DNM1: variants seen among roughly 807,000 people sequenced by gnomAD.
DNM1 encodes the protein dynamin-1.
A neutral mutation model predicts 104.6 loss-of-function variants in DNM1; 29 were observed. That is an observed-to-expected ratio of 0.28 (90% CI 0.21 to 0.38). DNM1 has a LOEUF of 0.38. Among genes scored for constraint, DNM1 ranks in the 10% least tolerant of loss-of-function variants. DNM1 has a pLI of 1.00. For missense variants in DNM1, 640 were observed against 1,189.4 expected (o/e 0.54, Z 6.79); for synonymous variants, 445 against 475.8 (o/e 0.94, Z 0.84).
In DNM1 at chr9:128,243,727, G is replaced by C. The variant is rs1836550512; in HGVS notation, c.1671+1382G>C. 6.6e-6 allele frequency among the ~76,000 whole-genome samples: 1 copy of C among 152,160 alleles called. No homozygotes were observed. Among genetic ancestry groups the C allele is most frequent in the Non-Finnish European group, 1.5e-5 (1 of 68,008 alleles). ...CCTTACTCAGGGCCAGGGAGACCAT[G>C]TGACCTGGGGCTGAGGGCCGGAGAC... On this transcript the variant is annotated intron_variant, in intron 15 of 21. Coordinates refer to ENST00000372923, the MANE Select transcript of DNM1 (RefSeq NM_004408.4). The surrounding 1 kb of genome is among the most constrained non-coding windows in gnomAD (Gnocchi z 4.0).
At position 128,218,175 on chromosome 9, in the gene DNM1, G is replaced by A; in HGVS notation, c.162-56G>A. 2 of 1,561,668 alleles carry A rather than the reference G, an allele frequency of 1.3e-6. No homozygotes were observed. Among genetic ancestry groups the A allele is most frequent in the South Asian group, 2.2e-5 (2 of 90,008 alleles). ...CCCAGGGGCCGGACAGGTACCCCTG[G>A]GACAGAGGGCGCCCCCTCATATCTT... On this transcript the variant is annotated intron_variant, in intron 1 of 21. Transcript: ENST00000372923. This position sits in a 1 kb window ranked among gnomAD's most constrained non-coding sequence, Gnocchi z 4.8.
At chr9:128,252,895 G>A in intron 21 of DNM1, 1 of 690,084 alleles carries the variant, frequency 1.4e-6, no homozygotes, top group Non-Finnish European at 2.6e-6. Flanking sequence ...CCGCCGGCCA[G>A]TGAGGGTGCT....
rs538465521 is a variant in DNM1, at chr9:128,219,445, G to A, written c.589+193G>A. ...GCACTTTGGGAGGCCAAGCCGGGAG[G>A]ATTGCTTGAGCCCAGGAGTTCGAGA... On this transcript the variant is annotated intron_variant, in intron 4 of 21. Coordinates refer to ENST00000372923, the MANE Select transcript of DNM1 (RefSeq NM_004408.4). Among the ~76,000 whole-genome samples the A allele has an allele frequency of 1.9e-4, 29 of 152,328 alleles. No homozygotes were observed. In the East Asian group the frequency reaches 4.0e-3, roughly 21 times the overall value.
chr9:128,205,999 G>A (rs1833940041), intron 1 of DNM1, among the ~76,000 whole-genome samples: 1 of 152,202 alleles, frequency 6.6e-6, no homozygotes, highest in African/African-American at 2.4e-5. Context: ...TTGATGTGAA[G>A]GAGTAGGCAG....
Position 128,222,251 on chromosome 9 carries a change from A to G in DNM1, c.904A>G (p.Ser302Gly). The change falls in exon 7 of 22, where the codon AGC becomes GGC. Residue 302 changes from serine (S) to glycine (G), a missense_variant. Physicochemically the swap from Ser to Gly is moderately conservative, Grantham distance 56. This residue lies in a region of DNM1 where 81 missense variants were observed against 99.8 expected (regional missense o/e 0.81). Transcript: ENST00000372923. The surrounding 1 kb of genome is among the most constrained non-coding windows in gnomAD (Gnocchi z 7.8). ...TLPGLRNKLQ[S>G]QLLSIEKEVE... ...GCCGGGGCTGCGGAACAAGCTGCAGAGCCAGCTACTGTCCATTGAGAAGGA... is the reference window on the plus strand; with the variant it reads ...GCCGGGGCTGCGGAACAAGCTGCAGGGCCAGCTACTGTCCATTGAGAAGGA... The G allele has an allele frequency of 1.2e-6, 2 of 1,614,162 alleles. No individual in the cohort carries two copies. The highest frequency in any genetic ancestry group is 1.7e-6 in the Non-Finnish European group (2 of 1,180,018).
chr9:128,244,028 GGT>G (rs776470707), intron 15 of DNM1, among the ~76,000 whole-genome samples: 9 of 151,478 alleles, frequency 5.9e-5, no homozygotes, highest in Non-Finnish European at 1.2e-4. Context: ...TAAGCATCTA[GGT>G]GTGTTTGGAA....
In DNM1 at chr9:128,203,409, C is replaced by A; in HGVS notation, c.-62C>A. ...GGGCGCGCGGCTGCAGCGGCGGAGCCGGAGTCGGAGCCGGGAGCGCTAGCG... is the reference window on the plus strand; with the variant it reads ...GGGCGCGCGGCTGCAGCGGCGGAGCAGGAGTCGGAGCCGGGAGCGCTAGCG... On this transcript the variant is annotated 5_prime_UTR_variant, in exon 1 of 22. Coordinates refer to ENST00000372923, the MANE Select transcript of DNM1 (RefSeq NM_004408.4). The surrounding 1 kb of genome is among the most constrained non-coding windows in gnomAD (Gnocchi z 5.3). The A allele has an allele frequency of 2.2e-6, 3 of 1,352,698 alleles. No individual in the cohort carries two copies. The highest frequency in any genetic ancestry group is 2.9e-6 in the Non-Finnish European group (3 of 1,050,760). 83.8% of individuals were successfully genotyped at this position (1,352,698 alleles called of 1,614,324 possible).
chr9:128,239,809 G>A (rs781682149), intron 13 of DNM1, 30 bp downstream of exon 13: 2 of 1,607,166 alleles, frequency 1.2e-6, no homozygotes, highest in South Asian at 1.1e-5. Context: ...CCAGCCCGAG[G>A]GATGGAGGGT....
chr9:128,253,813 A>G lies in DNM1; in HGVS notation c.2535-841A>G. The stretch of plus-strand genomic sequence containing the variant: ...CCGTCATAGCTGCTAGTGTGACTGA[A>G]GGCAGTGTCCCTGGCCCCAGCTGAA... On this transcript the variant is annotated intron_variant, in intron 21 of 21. Coordinates refer to ENST00000372923, the MANE Select transcript of DNM1 (RefSeq NM_004408.4). The surrounding 1 kb of genome is among the most constrained non-coding windows in gnomAD (Gnocchi z 5.9). 1 of 694,790 alleles carries G rather than the reference A, an allele frequency of 1.4e-6. No individual in the cohort carries two copies. Among genetic ancestry groups the G allele is most frequent in the Non-Finnish European group, 2.0e-6 (1 of 500,228 alleles). The allele number at this position is 694,790 out of a possible 1,614,324, so 43.0% of individuals were successfully genotyped here.
At position 128,203,418 on chromosome 9, in the gene DNM1, A is replaced by G; in HGVS notation, c.-53A>G. 7.2e-7 allele frequency: 1 copy of G among 1,391,862 alleles called. No homozygotes were observed. The highest frequency in any genetic ancestry group is 1.5e-5 in the South Asian group (1 of 67,078). The allele number at this position is 1,391,862 out of a possible 1,614,324, so 86.2% of individuals were successfully genotyped here. ...GCTGCAGCGGCGGAGCCGGAGTCGG[A>G]GCCGGGAGCGCTAGCGGCAGCCGGA... On this transcript the variant is annotated 5_prime_UTR_variant, in exon 1 of 22. Transcript: ENST00000372923. The surrounding 1 kb of genome is among the most constrained non-coding windows in gnomAD (Gnocchi z 5.3).
intron 12 of DNM1, 23 bp downstream of exon 12, chr9:128,239,538 A>AGTGAGT (rs1823965879): frequency 6.2e-7 from 1 of 1,603,018 alleles, no homozygotes; most frequent in South Asian, 1.1e-5. Context: ...CCAGGCAAAA[A>AGTGAGT]GTGAGTGCTC....
intron 21 of DNM1, chr9:128,252,031 C>T (rs1029908780): frequency 2.2e-5 from 4 of 184,022 alleles, no homozygotes; most frequent in Non-Finnish European, 3.4e-5. Flanking sequence ...GGCAAGAGGA[C>T]TGGACTGGGA....
chr9:128,244,450 A>G (rs111532871), intron 15 of DNM1, among the ~76,000 whole-genome samples: 95 of 152,074 alleles, frequency 6.2e-4, no homozygotes, highest in African/African-American at 2.0e-3. Context: ...TCTCTACTCA[A>G]CCACCAGCCC....
intron 1 of DNM1, chr9:128,204,227 G>C (rs539733673): frequency 3.9e-5 from 6 of 152,486 alleles, no homozygotes; most frequent in Non-Finnish European, 5.9e-5. Context: ...CGCGGCGAGG[G>C]GGGAGGCGCG....
chr9:128,214,704 G>A (rs529825007), intron 1 of DNM1, among the ~76,000 whole-genome samples: 80 of 152,324 alleles, frequency 5.3e-4, no homozygotes, highest in South Asian at 3.1e-3. Context: ...GTTTGAAGGT[G>A]CCTCTGCAGA....
chr9:128,251,355 C>G, intron 21 of DNM1: 1 of 349,206 alleles, frequency 2.9e-6, no homozygotes, highest in Non-Finnish European at 5.7e-6. Context: ...ACTCTGAACC[C>G]CGATCTGCTC....
chr9:128,219,700 T>G (rs926556333), intron 4 of DNM1, among the ~76,000 whole-genome samples: 7 of 152,112 alleles, frequency 4.6e-5, no homozygotes, highest in African/African-American at 1.7e-4. Context: ...CAGTGGCTCA[T>G]GCCTGTAATC....
Position 128,246,513 on chromosome 9 carries a change from T to TGCCC in DNM1, c.1781+11_1781+14dup. On this transcript the variant is annotated intron_variant, in intron 16 of 21. Coordinates refer to ENST00000372923, the MANE Select transcript of DNM1 (RefSeq NM_004408.4). ...TTAACACGGAGCAGAGGTGCCTGCC[T>TGCCC]GCCCCTGGCTGTGGCTGCTGCAGCC... 1 of 1,606,682 alleles carries TGCCC rather than the reference T, an allele frequency of 6.2e-7. No individual in the cohort carries two copies. The highest frequency in any genetic ancestry group is 1.1e-5 in the South Asian group (1 of 90,936).
intron 21 of DNM1, chr9:128,252,708 G>T (rs553857338): frequency 4.1e-6 from 2 of 493,144 alleles, no homozygotes; most frequent in East Asian, 5.6e-5. Context: ...GGACTTTAGC[G>T]AGCAAGCCCT....
Sources: gnomAD v4.1 joint callset for allele counts (sites outside exome capture counted in the v4.1 genomes callset) on GRCh38, gnomAD v4.1.1 for gene constraint, gnomAD v4.1.1 regional missense constraint, Gnocchi (gnomAD v3.1) non-coding constraint, MANE v1.5 for transcripts, NCBI Gene and HGNC (gene_info 2026-07-23, HGNC 2026-07-21) for gene names.